PHACTR1: variants seen among roughly 807,000 people sequenced by gnomAD.
The protein encoded by PHACTR1 is phosphatase and actin regulator 1.
In PHACTR1, 16 loss-of-function variants were observed where a neutral mutation model predicts 69.2. The observed-to-expected ratio is 0.23, with a 90% confidence interval of 0.16 to 0.35. The LOEUF (loss-of-function observed/expected upper bound fraction) is 0.35. Among genes scored for constraint, PHACTR1 ranks in the 10% least tolerant of loss-of-function variants. PHACTR1 has a pLI of 1.00. For missense variants in PHACTR1, 510 were observed against 734.7 expected (o/e 0.69, Z 3.54); for synonymous variants, 312 against 284.5 (o/e 1.10, Z -0.97).
At chr6:12,780,240 A>G (rs1482457353) in intron 4 of PHACTR1, among the ~76,000 whole-genome samples, 1 of 137,000 alleles carries the variant, frequency 7.3e-6, no homozygotes, top group Non-Finnish European at 1.6e-5. Context: ...ATATATATAT[A>G]TCTTTTCTCT....
At chr6:13,105,592 A>G (rs1194113911) in intron 5 of PHACTR1, among the ~76,000 whole-genome samples, 1 of 152,108 alleles carries the variant, frequency 6.6e-6, no homozygotes, top group Non-Finnish European at 1.5e-5. Context: ...CCCTAACAAG[A>G]CTGCCCTTAC....
chr6:13,196,987 G>A (rs1180369476), intron 7 of PHACTR1, among the ~76,000 whole-genome samples: 1 of 152,170 alleles, frequency 6.6e-6, no homozygotes, highest in Non-Finnish European at 1.5e-5. Context: ...ACCCCAGGCT[G>A]GAAAGCATCA....
At chr6:13,062,467 C>T (rs60044512) in intron 5 of PHACTR1, among the ~76,000 whole-genome samples, 2,306 of 152,212 alleles carry the variant, frequency 0.015, 68 homozygotes, top group African/African-American at 0.053. Flanking sequence ...CTTTAACAAC[C>T]GCTATGTCCC....
rs73359103 is a variant in PHACTR1, at chr6:13,264,156, A to C, written c.1392-8704A>C. On this transcript the variant is annotated intron_variant, in intron 10 of 14. Transcript: ENST00000332995. ...AATAAGCAAAAGCTATCAATTGGGA[A>C]CTCTTCTATAATTCCAATACGGAAC... 3.2e-3 allele frequency among the ~76,000 whole-genome samples: 483 copies of C among 152,208 alleles called. 3 individuals are homozygous for C. Among genetic ancestry groups the C allele is most frequent in the African/African-American group, 0.011 (461 of 41,534 alleles).
intron 6 of PHACTR1, among the ~76,000 whole-genome samples, chr6:13,164,541 T>C (rs943972730): frequency 1.3e-5 from 2 of 152,184 alleles, no homozygotes; most frequent in African/African-American, 4.8e-5. Flanking sequence ...AGGCCCCACC[T>C]CTGTTTGTGC....
At chr6:13,101,046 A>G (rs1047840130) in intron 5 of PHACTR1, among the ~76,000 whole-genome samples, 2 of 152,230 alleles carry the variant, frequency 1.3e-5, no homozygotes, top group African/African-American at 4.8e-5. Flanking sequence ...TTTCATTTTT[A>G]TGTGTCTTAG....
At chr6:12,911,333 T>C (rs7763669) in intron 4 of PHACTR1, among the ~76,000 whole-genome samples, 151,057 of 152,242 alleles carry the variant, frequency 0.99, 74,958 homozygotes, top group East Asian at 1. Context: ...AACATTGGGG[T>C]TTTGTGTCTT....
chr6:12,852,602 T>C (rs1357801157), intron 4 of PHACTR1, among the ~76,000 whole-genome samples: 1 of 152,208 alleles, frequency 6.6e-6, no homozygotes, highest in East Asian at 1.9e-4. Context: ...TACTGATATA[T>C]TTCTAGGCAG....
intron 3 of PHACTR1, among the ~76,000 whole-genome samples, chr6:12,739,170 A>T (rs1025697171): frequency 6.6e-6 from 1 of 152,176 alleles, no homozygotes; most frequent in African/African-American, 2.4e-5. Flanking sequence ...CAAGAAGCCC[A>T]CTGTCATCAT....
At chr6:12,855,528 G>A (rs900967661) in intron 4 of PHACTR1, among the ~76,000 whole-genome samples, 6 of 152,148 alleles carry the variant, frequency 3.9e-5, no homozygotes, top group South Asian at 2.1e-4. Context: ...TATCCTAAGC[G>A]AATTAACACA....
chr6:12,773,820 A>G (rs1769700117), intron 4 of PHACTR1, among the ~76,000 whole-genome samples: 1 of 152,252 alleles, frequency 6.6e-6, no homozygotes, highest in Non-Finnish European at 1.5e-5. Flanking sequence ...CAAGTCAGAA[A>G]TCACTTCTTG....
At chr6:12,920,812 A>G (rs1562012602) in intron 4 of PHACTR1, among the ~76,000 whole-genome samples, 1 of 152,246 alleles carries the variant, frequency 6.6e-6, no homozygotes, top group Non-Finnish European at 1.5e-5. Flanking sequence ...TTGGGGATGG[A>G]TGGGGATTAT....
rs1761900420 is a variant in PHACTR1 at position 13,179,625 on chromosome 6, A to G, written c.497-2894A>G. ...TTTCATTTCTTTCTACTAGATATGT[A>G]TACACATATATGGATGGATGGGTGG... On this transcript the variant is annotated intron_variant, in intron 6 of 14. Coordinates refer to ENST00000332995, the MANE Select transcript of PHACTR1 (RefSeq NM_030948.6). The surrounding 1 kb of genome is among the most constrained non-coding windows in gnomAD (Gnocchi z 4.2). 6.6e-6 allele frequency among the ~76,000 whole-genome samples: 1 copy of G among 152,130 alleles called. No individual in the cohort carries two copies. The highest frequency in any genetic ancestry group is 2.4e-5 in the African/African-American group (1 of 41,418).
chr6:12,749,735 C>G lies in PHACTR1; in HGVS notation c.195C>G (p.Ser65=). 6.2e-7 allele frequency: 1 copy of G among 1,612,202 alleles called. No homozygotes were observed. Among genetic ancestry groups the G allele is most frequent in the Non-Finnish European group, 8.5e-7 (1 of 1,179,674 alleles). Reference sequence around the variant, plus strand: ...GGCGGCCCATCCGGAGAGTGCGCTCCAAGAGCGACACGCCGTACCTCGCAG... The same window carrying G: ...GGCGGCCCATCCGGAGAGTGCGCTCGAAGAGCGACACGCCGTACCTCGCAG... ...IDRRPIRRVR[S]KSDTPYLAEA... is the part of the protein sequence containing the mutation. The change falls in exon 4 of 15, where the codon TCC becomes TCG. Residue 65 remains serine, a synonymous_variant. Transcript: ENST00000332995.
intron 4 of PHACTR1, among the ~76,000 whole-genome samples, chr6:12,888,243 C>G (rs1230305853): frequency 6.6e-6 from 1 of 152,074 alleles, no homozygotes; most frequent in African/African-American, 2.4e-5. Context: ...CATTCATCCC[C>G]TTTTGCCCTT....
intron 10 of PHACTR1, among the ~76,000 whole-genome samples, chr6:13,232,264 G>A (rs1771336113): frequency 6.6e-6 from 1 of 152,206 alleles, no homozygotes; most frequent in Non-Finnish European, 1.5e-5. Flanking sequence ...CCAACAGTAT[G>A]CCAGTATTCT....
chr6:13,019,070 A>AT (rs10635069), intron 4 of PHACTR1, among the ~76,000 whole-genome samples: 2,735 of 142,674 alleles, frequency 0.019, 50 homozygotes, highest in African/African-American at 0.039. Flanking sequence ...ATATATATAT[A>AT]TATATTTTTT....
At chr6:13,177,660 G>T (rs1761574638) in intron 6 of PHACTR1, among the ~76,000 whole-genome samples, 1 of 152,190 alleles carries the variant, frequency 6.6e-6, no homozygotes. Context: ...ACCAGGGGGT[G>T]TCCCTAAAGC....
At chr6:13,270,848 G>C (rs771306480) in intron 10 of PHACTR1, among the ~76,000 whole-genome samples, 1 of 151,994 alleles carries the variant, frequency 6.6e-6, no homozygotes, top group Non-Finnish European at 1.5e-5. Context: ...GGTTCTGCAG[G>C]CTATACAGGC....
Sources: gnomAD v4.1 joint callset for allele counts (sites outside exome capture counted in the v4.1 genomes callset) on GRCh38, gnomAD v4.1.1 for gene constraint, Gnocchi (gnomAD v3.1) non-coding constraint, MANE v1.5 for transcripts, NCBI Gene and HGNC (gene_info 2026-07-23, HGNC 2026-07-21) for gene names.